MDGA2: variants seen among roughly 807,000 people sequenced by gnomAD.
MDGA2 encodes MAM domain containing glycosylphosphatidylinositol anchor 2.
MDGA2 carries 40 observed loss-of-function variants against 117.8 expected under a neutral mutation model. The ratio of observed to expected loss-of-function variants is 0.34; its 90% CI spans 0.26 to 0.44. The LOEUF (loss-of-function observed/expected upper bound fraction) is 0.44, where lower values mean the gene tolerates loss of function less well. MDGA2 is among the 20% of genes least tolerant of loss of function. The pLI is 1.00. For missense variants in MDGA2, 1,123 were observed against 1,250.6 expected, an observed-to-expected ratio of 0.90 and a Z score of 1.54; for synonymous variants, 452 against 439.0, an observed-to-expected ratio of 1.03 and a Z score of -0.37.
chr14:46,989,552 C>A (rs921248633), intron 8 of MDGA2, among the ~76,000 whole-genome samples: 2 of 152,028 alleles, frequency 1.3e-5, no homozygotes, highest in Non-Finnish European at 2.9e-5. Context: ...CAACTTTAAT[C>A]TTCTGTTGGC....
chr14:47,528,224 C>G (rs539710072), intron 1 of MDGA2, among the ~76,000 whole-genome samples: 1 of 152,306 alleles, frequency 6.6e-6, no homozygotes, highest in Admixed American at 6.5e-5. Context: ...CTAAACACGG[C>G]ACTGCTAACA....
chr14:47,057,729 T>G (rs1889737998), intron 7 of MDGA2, among the ~76,000 whole-genome samples: 1 of 148,860 alleles, frequency 6.7e-6, no homozygotes, highest in Non-Finnish European at 1.5e-5. Flanking sequence ...TGCCCTACCT[T>G]GCCCTGCCCT....
At chr14:46,948,985 C>A (rs1426117478) in intron 9 of MDGA2, among the ~76,000 whole-genome samples, 1 of 152,052 alleles carries the variant, frequency 6.6e-6, no homozygotes, top group Non-Finnish European at 1.5e-5. Context: ...CAGAAAGTAG[C>A]TTACCTATGG....
At chr14:47,151,375 C>T (rs1304976974) in intron 3 of MDGA2, among the ~76,000 whole-genome samples, 1 of 152,192 alleles carries the variant, frequency 6.6e-6, no homozygotes, top group East Asian at 1.9e-4. Flanking sequence ...GGAGAGCCAA[C>T]ATCTTCCAAC....
chr14:46,955,079 G>A (rs1885510903), intron 9 of MDGA2, among the ~76,000 whole-genome samples: 1 of 152,024 alleles, frequency 6.6e-6, no homozygotes, highest in Admixed American at 6.6e-5. Context: ...TGAAGTATAT[G>A]TTTTTCCAGA....
At chr14:47,333,705 T>C (rs1306038582) in intron 1 of MDGA2, among the ~76,000 whole-genome samples, 3 of 151,590 alleles carry the variant, frequency 2.0e-5, no homozygotes, top group Non-Finnish European at 4.4e-5. Flanking sequence ...TCAACCTTCA[T>C]ACTCACACAA....
intron 7 of MDGA2, among the ~76,000 whole-genome samples, chr14:47,042,325 TTTTG>T (rs1366170445): frequency 1.7e-4 from 23 of 133,556 alleles, no homozygotes; most frequent in Admixed American, 9.4e-4. Context: ...TTTTTTTTTT[TTTTG>T]TGTGTGTGTG....
At chr14:47,608,202 T>G (rs555957680) in intron 1 of MDGA2, among the ~76,000 whole-genome samples, 1 of 152,104 alleles carries the variant, frequency 6.6e-6, no homozygotes, top group Non-Finnish European at 1.5e-5. Context: ...TCATTTCTCA[T>G]AGACACTGGC....
intron 1 of MDGA2, among the ~76,000 whole-genome samples, chr14:47,626,770 G>A (rs2138211155): frequency 6.6e-6 from 1 of 152,290 alleles, no homozygotes; most frequent in African/African-American, 2.4e-5. Context: ...CTCGGGACCT[G>A]CAGCCCGCCA....
chr14:47,317,215 A>G (rs1889834775), intron 1 of MDGA2, among the ~76,000 whole-genome samples: 1 of 152,148 alleles, frequency 6.6e-6, no homozygotes, highest in Admixed American at 6.6e-5. Flanking sequence ...GACACTAAAG[A>G]AAAGATAAAT....
intron 10 of MDGA2, among the ~76,000 whole-genome samples, chr14:46,915,926 T>C (rs1883881681): frequency 6.6e-6 from 1 of 152,224 alleles, no homozygotes; most frequent in Non-Finnish European, 1.5e-5. Context: ...TCTGCTTCTC[T>C]GGGTATCTCT....
At chr14:47,671,883 T>C (rs1898082305) in intron 1 of MDGA2, among the ~76,000 whole-genome samples, 1 of 152,140 alleles carries the variant, frequency 6.6e-6, no homozygotes, top group Non-Finnish European at 1.5e-5. Flanking sequence ...CTTCCACAAA[T>C]AAAAACAAAA....
chr14:47,429,496 T>C (rs1566452284), intron 1 of MDGA2, among the ~76,000 whole-genome samples: 2 of 152,132 alleles, frequency 1.3e-5, no homozygotes, highest in Non-Finnish European at 1.5e-5. Flanking sequence ...TCTTCTCTCA[T>C]AGCATTCTGT....
chr14:47,556,804 A>C (rs924258424), intron 1 of MDGA2, among the ~76,000 whole-genome samples: 1 of 152,244 alleles, frequency 6.6e-6, no homozygotes, highest in African/African-American at 2.4e-5. Context: ...TAATTGGTAC[A>C]GTTCCTCGCT....
At chr14:47,451,492 ATG>A (rs2138571076) in intron 1 of MDGA2, among the ~76,000 whole-genome samples, 1 of 152,252 alleles carries the variant, frequency 6.6e-6, no homozygotes, top group South Asian at 2.1e-4. Context: ...GGAAAAGAGA[ATG>A]TGGAACTGAC....
chr14:47,564,019 G>T (rs1895870289), intron 1 of MDGA2, among the ~76,000 whole-genome samples: 1 of 152,206 alleles, frequency 6.6e-6, no homozygotes, highest in East Asian at 1.9e-4. Context: ...ATGAAGCTTA[G>T]TTTGGCTGTT....
intron 5 of MDGA2, among the ~76,000 whole-genome samples, chr14:47,097,371 G>C (rs1277699102): frequency 6.6e-6 from 1 of 151,748 alleles, no homozygotes; most frequent in Admixed American, 6.6e-5. Flanking sequence ...TATGTTTCCT[G>C]GATTATTGTT....
In MDGA2 at chr14:46,908,228, G is replaced by A. The variant is rs536110026; in HGVS notation, c.2238+11784C>T. ...AAAGCTATTTGCAGTGCCTAGAGTA[G>A]GCTGACTGAAAGGGGATGGAAATAG... On this transcript the variant is annotated intron_variant, in intron 10 of 16. Transcript: ENST00000399232. Among the ~76,000 whole-genome samples, 27 of 152,202 alleles carry A rather than the reference G, an allele frequency of 1.8e-4. No individual in the cohort carries two copies. The South Asian group carries it at 5.6e-3, about 32-fold the overall frequency.
intron 1 of MDGA2, among the ~76,000 whole-genome samples, chr14:47,502,813 G>C (rs1408731754): frequency 2.0e-5 from 3 of 151,910 alleles, no homozygotes. Context: ...GCAGCTGGGA[G>C]TGCAGATGCT....
Sources: gnomAD v4.1 joint callset for allele counts (sites outside exome capture counted in the v4.1 genomes callset) on GRCh38, gnomAD v4.1.1 for gene constraint, MANE v1.5 for transcripts, NCBI Gene and HGNC (gene_info 2026-07-23, HGNC 2026-07-21) for gene names.